SPOCK3: variants seen among roughly 807,000 people sequenced by gnomAD.
SPOCK3 encodes SPARC (osteonectin), cwcv and kazal like domains proteoglycan 3.
In SPOCK3, 30 loss-of-function variants were observed where a neutral mutation model predicts 56.6. The ratio of observed to expected loss-of-function variants is 0.53; its 90% CI spans 0.40 to 0.72. The LOEUF is 0.72. SPOCK3 is among the 30% of genes least tolerant of loss of function. The pLI is 0.00. For synonymous variants in SPOCK3, 196 were observed against 183.3 expected (o/e 1.07, Z -0.56); for missense variants, 527 against 530.0 (o/e 0.99, Z 0.06).
intron 6 of SPOCK3, among the ~76,000 whole-genome samples, chr4:166,824,147 T>C (rs767724226): frequency 6.6e-6 from 1 of 152,040 alleles, no homozygotes; most frequent in Admixed American, 6.6e-5. Flanking sequence ...CTCAACTGTC[T>C]CATGCTGTGA....
intron 4 of SPOCK3, among the ~76,000 whole-genome samples, chr4:166,996,138 A>G (rs1309769835): frequency 1.3e-5 from 2 of 152,142 alleles, no homozygotes; most frequent in Admixed American, 1.3e-4. Context: ...CACTACTTTC[A>G]TCATTTTCTA....
intron 3 of SPOCK3, among the ~76,000 whole-genome samples, chr4:167,029,960 T>C (rs1372497081): frequency 1.3e-5 from 2 of 152,062 alleles, no homozygotes; most frequent in Admixed American, 1.3e-4. Context: ...TTTCTTTCTG[T>C]TTCTGTTTTA....
intron 6 of SPOCK3, among the ~76,000 whole-genome samples, chr4:166,877,067 G>C (rs1191572738): frequency 1.3e-5 from 2 of 152,020 alleles, no homozygotes; most frequent in Non-Finnish European, 2.9e-5. Flanking sequence ...ACAACCAAAA[G>C]AATGAAATAC....
intron 2 of SPOCK3, 62 bp from the exon 3 acceptor site, chr4:167,062,599 A>T: frequency 1.5e-6 from 2 of 1,296,506 alleles, no homozygotes; most frequent in Non-Finnish European, 2.2e-6. Context: ...GGGTTCATAT[A>T]AAATCTAAAA....
chr4:166,811,415 C>T (rs1743778449), intron 6 of SPOCK3, among the ~76,000 whole-genome samples: 1 of 151,172 alleles, frequency 6.6e-6, no homozygotes, highest in Non-Finnish European at 1.5e-5. Context: ...TTTTTATTAT[C>T]CTATAGTTTC....
intron 5 of SPOCK3, among the ~76,000 whole-genome samples, chr4:166,903,645 T>G (rs892605111): frequency 2.0e-5 from 3 of 151,832 alleles, no homozygotes; most frequent in Non-Finnish European, 4.4e-5. Flanking sequence ...TTGTAGTTAT[T>G]GACAGGTGTT....
intron 4 of SPOCK3, among the ~76,000 whole-genome samples, chr4:166,975,706 A>C (rs1008463216): frequency 1.3e-5 from 2 of 151,922 alleles, no homozygotes; most frequent in Non-Finnish European, 2.9e-5. Flanking sequence ...TCTACTCTCT[A>C]TCTCTATGAG....
chr4:166,972,926 T>C (rs1243346972), intron 4 of SPOCK3, among the ~76,000 whole-genome samples: 1 of 152,198 alleles, frequency 6.6e-6, no homozygotes, highest in Non-Finnish European at 1.5e-5. Context: ...GAATAAAGTA[T>C]GCCTTTCTCA....
intron 7 of SPOCK3, among the ~76,000 whole-genome samples, chr4:166,765,409 A>G (rs908811161): frequency 1.3e-5 from 2 of 152,214 alleles, no homozygotes; most frequent in Admixed American, 6.5e-5. Context: ...ACATATGGCT[A>G]GCCAGTTTTC....
intron 5 of SPOCK3, among the ~76,000 whole-genome samples, chr4:166,895,846 C>T (rs1161227602): frequency 6.6e-6 from 1 of 152,060 alleles, no homozygotes; most frequent in East Asian, 1.9e-4. Flanking sequence ...TTAGCTTTGG[C>T]ACAATTATAC....
rs1480064324 is a variant in SPOCK3, at chr4:167,159,304, CA to C, written c.189+74680del. 2.0e-5 allele frequency among the ~76,000 whole-genome samples: 3 copies of C among 151,806 alleles called. No homozygotes were observed. The Admixed American group carries it at 2.0e-4, about 10-fold the overall frequency. On this transcript the variant is annotated intron_variant, in intron 2 of 10. Coordinates refer to ENST00000357545, the MANE Select transcript of SPOCK3 (RefSeq NM_001040159.2). ...TGTGATAGGGTTCAAAACAACTACC[CA>C]AAATATGGCATCTTGGAACCTGAGA...
In SPOCK3 at chr4:166,734,374, T is replaced by A. The variant is rs912890535; in HGVS notation, c.*547A>T. 3 of 151,972 alleles carry A rather than the reference T, an allele frequency of 2.0e-5. No individual in the cohort carries two copies. Among genetic ancestry groups the A allele is most frequent in the African/African-American group, 7.2e-5 (3 of 41,438 alleles). The allele number at this position is 151,972 out of a possible 1,614,324, so 9.4% of individuals were successfully genotyped here. On this transcript the variant is annotated 3_prime_UTR_variant, in exon 11 of 11. Transcript: ENST00000357545. ...TCATAGGTAAAAACACCACTATTAATGTAAACACAATTGAGGACTCTACAA... is the reference window on the plus strand; with the variant it reads ...TCATAGGTAAAAACACCACTATTAAAGTAAACACAATTGAGGACTCTACAA...
chr4:166,871,954 G>C (rs1211938169), intron 6 of SPOCK3, among the ~76,000 whole-genome samples: 1 of 150,886 alleles, frequency 6.6e-6, no homozygotes, highest in Admixed American at 6.6e-5. Flanking sequence ...AGGCAGAAAA[G>C]TAATTTAACA....
At chr4:167,155,375 C>A (rs920199109) in intron 2 of SPOCK3, among the ~76,000 whole-genome samples, 21 of 152,006 alleles carry the variant, frequency 1.4e-4, no homozygotes, top group African/African-American at 5.1e-4. Flanking sequence ...GCCTCGGCCT[C>A]CCAAAGAGCT....
chr4:167,166,054 A>C (rs1225041900), intron 2 of SPOCK3, among the ~76,000 whole-genome samples: 2 of 152,120 alleles, frequency 1.3e-5, no homozygotes, highest in Admixed American at 6.6e-5. Context: ...CTCAAAATAG[A>C]GGATTATAGA....
At chr4:167,199,261 G>T (rs1367181724) in intron 2 of SPOCK3, among the ~76,000 whole-genome samples, 1 of 147,638 alleles carries the variant, frequency 6.8e-6, no homozygotes, top group Non-Finnish European at 1.5e-5. Flanking sequence ...GTGTGTGTGT[G>T]TATTTAGTAG....
intron 2 of SPOCK3, among the ~76,000 whole-genome samples, chr4:167,108,504 C>G (rs1485300079): frequency 6.6e-6 from 1 of 151,862 alleles, no homozygotes; most frequent in Non-Finnish European, 1.5e-5. Context: ...TCATTTGCAA[C>G]AACATGGATG....
intron 3 of SPOCK3, among the ~76,000 whole-genome samples, chr4:167,059,199 T>A (rs1434788755): frequency 6.6e-6 from 1 of 151,948 alleles, no homozygotes; most frequent in Non-Finnish European, 1.5e-5. Flanking sequence ...GAAACTACCA[T>A]CAGAGTGAAC....
chr4:166,788,237 C>A (rs1243613851), intron 7 of SPOCK3, among the ~76,000 whole-genome samples: 1 of 151,878 alleles, frequency 6.6e-6, no homozygotes, highest in Non-Finnish European at 1.5e-5. Context: ...TTATTTTTAA[C>A]CAAATTAAAT....
Sources: allele counts gnomAD v4.1 joint callset (sites outside exome capture counted in the v4.1 genomes callset), GRCh38; gene constraint gnomAD v4.1.1; transcripts MANE v1.5; gene names NCBI Gene and HGNC (gene_info 2026-07-23, HGNC 2026-07-21).